TTC33: variants seen among roughly 807,000 people sequenced by gnomAD.
TTC33 encodes tetratricopeptide repeat protein 33.
Under a neutral mutation model 29.4 loss-of-function variants are expected in TTC33, and 24 were observed. The observed-to-expected ratio is 0.82, with a 90% confidence interval of 0.59 to 1.15. The LOEUF is 1.15. Ranked by LOEUF, TTC33 falls within the 50% of genes most tolerant of loss-of-function variation. The probability of loss-of-function intolerance (pLI) is 0.00; values close to 1 mark genes in which losing one functional copy is unlikely to be tolerated. For missense variants in TTC33, 286 were observed against 310.4 expected (o/e 0.92, Z 0.59); for synonymous variants, 107 against 100.3 (o/e 1.07, Z -0.40).
chr5:40,718,794 T>G (rs892820653), intron 4 of TTC33, among the ~76,000 whole-genome samples: 1 of 148,684 alleles, frequency 6.7e-6, no homozygotes, highest in Non-Finnish European at 1.5e-5. Flanking sequence ...CCAGCTAATT[T>G]GGAGGCTGAG....
intron 2 of TTC33, among the ~76,000 whole-genome samples, chr5:40,738,284 C>T (rs113687348): frequency 6.6e-6 from 1 of 151,324 alleles, no homozygotes; most frequent in Non-Finnish European, 1.5e-5. Context: ...TAGAGTGGTG[C>T]GCGCCTGTAA....
At chr5:40,723,773 G>A (rs1163197306) in intron 4 of TTC33, among the ~76,000 whole-genome samples, 1 of 152,044 alleles carries the variant, frequency 6.6e-6, no homozygotes, top group Non-Finnish European at 1.5e-5. Flanking sequence ...GCTGAGGCAG[G>A]AGAATCACTC....
chr5:40,714,011 C>T lies in TTC33; in HGVS notation c.*2134G>A, dbSNP rs1741949323. ...TTTCTTTTTCTCCTCTGTCTTATGT[C>T]TAAACTATTTTATGTCTTATATCTG... is the stretch of plus-strand genomic sequence containing the variant. On this transcript the variant is annotated 3_prime_UTR_variant, in exon 5 of 5. Coordinates refer to ENST00000337702, the MANE Select transcript of TTC33 (RefSeq NM_012382.3). 6.6e-6 allele frequency among the ~76,000 whole-genome samples: 1 copy of T among 152,134 alleles called. No individual in the cohort carries two copies. The highest frequency in any genetic ancestry group is 2.4e-5 in the African/African-American group (1 of 41,436).
chr5:40,729,652 T>C (rs888422794), intron 3 of TTC33, among the ~76,000 whole-genome samples: 4 of 152,202 alleles, frequency 2.6e-5, no homozygotes, highest in African/African-American at 9.6e-5. Flanking sequence ...GGAAAGCGTA[T>C]GTTTTTCATC....
intron 2 of TTC33, among the ~76,000 whole-genome samples, chr5:40,737,970 T>G (rs550526924): frequency 6.6e-6 from 1 of 152,362 alleles, no homozygotes; most frequent in South Asian, 2.1e-4. Context: ...GATGAACATT[T>G]AGGTTGTCCC....
chr5:40,731,854 C>T (rs1378663787), intron 2 of TTC33, among the ~76,000 whole-genome samples: 1 of 152,188 alleles, frequency 6.6e-6, no homozygotes, highest in Non-Finnish European at 1.5e-5. Flanking sequence ...GTGGCTCTAG[C>T]CCACTAACTA....
At chr5:40,735,203 C>G (rs1742523259) in intron 2 of TTC33, among the ~76,000 whole-genome samples, 1 of 152,154 alleles carries the variant, frequency 6.6e-6, no homozygotes, top group Non-Finnish European at 1.5e-5. Context: ...GATGAAGAAT[C>G]CACAGAGTTT....
rs139926293 is a variant in TTC33, at chr5:40,739,745, T to G, written c.221+7053A>C. On this transcript the variant is annotated intron_variant, in intron 2 of 4. Transcript: ENST00000337702. ...CAATTAAACCTGTTTTTTTCATAAA[T>G]TATCCAGTCTCAGGTAGTTGTTTAT... Among the ~76,000 whole-genome samples the G allele has an allele frequency of 4.6e-3, 696 of 152,306 alleles. 4 individuals are homozygous for G. The highest frequency in any genetic ancestry group is 0.016 in the African/African-American group (658 of 41,558).
chr5:40,734,053 A>G (rs895458754), intron 2 of TTC33, among the ~76,000 whole-genome samples: 2 of 152,238 alleles, frequency 1.3e-5, no homozygotes, highest in African/African-American at 4.8e-5. Context: ...TTTGTTGCCA[A>G]CGAGGCCTAT....
At chr5:40,730,180 C>T in intron 3 of TTC33, 82 bp downstream of exon 3, 3 of 1,018,812 alleles carry the variant, frequency 2.9e-6, no homozygotes, top group South Asian at 1.6e-5. Flanking sequence ...GGAGAAAATG[C>T]TATTTTGCTT....
intron 1 of TTC33, among the ~76,000 whole-genome samples, chr5:40,748,592 T>C (rs935960268): frequency 5.3e-5 from 8 of 152,216 alleles, no homozygotes; most frequent in Admixed American, 6.5e-5. Flanking sequence ...AAATATTTCA[T>C]ATAAAATTAT....
At chr5:40,738,121 T>A (rs1351026170) in intron 2 of TTC33, among the ~76,000 whole-genome samples, 1 of 152,120 alleles carries the variant, frequency 6.6e-6, no homozygotes, top group Admixed American at 6.6e-5. Context: ...TTTAACTTTA[T>A]GTGAAACAGG....
intron 2 of TTC33, among the ~76,000 whole-genome samples, chr5:40,738,514 C>CAATAAAATAAAATAA (rs754304246): frequency 1.3e-5 from 1 of 79,810 alleles, no homozygotes; most frequent in African/African-American, 4.9e-5. Context: ...CAATAAAATA[C>CAATAAAATAAAATAA]AATAAAATAA....
At chr5:40,750,690 TAG>T (rs1742879276) in intron 1 of TTC33, among the ~76,000 whole-genome samples, 1 of 152,194 alleles carries the variant, frequency 6.6e-6, no homozygotes. Flanking sequence ...CTTTCAAAAT[TAG>T]AGTCGATACT....
chr5:40,713,674 T>G lies in TTC33; in HGVS notation c.*2471A>C, dbSNP rs946911189. On this transcript the variant is annotated 3_prime_UTR_variant, in exon 5 of 5. Transcript: ENST00000337702. ...CTGGATGTCTAGACACTCTGACTAA[T>G]GAGTGTCTATGCCATACAATTCTCA... 1.3e-5 allele frequency among the ~76,000 whole-genome samples: 2 copies of G among 152,222 alleles called. No individual in the cohort carries two copies. The highest frequency in any genetic ancestry group is 4.8e-5 in the African/African-American group (2 of 41,474).
chr5:40,734,255 C>A (rs1742498109), intron 2 of TTC33, among the ~76,000 whole-genome samples: 1 of 152,146 alleles, frequency 6.6e-6, no homozygotes, highest in Non-Finnish European at 1.5e-5. Flanking sequence ...AAACTTGGCA[C>A]TGAACAAATC....
intron 2 of TTC33, among the ~76,000 whole-genome samples, chr5:40,740,864 C>T (rs1268172200): frequency 6.6e-6 from 1 of 152,146 alleles, no homozygotes; most frequent in Non-Finnish European, 1.5e-5. Context: ...TCTAGAAGGA[C>T]CCAGACTAGC....
intron 2 of TTC33, among the ~76,000 whole-genome samples, chr5:40,732,712 G>A (rs898373622): frequency 2.0e-5 from 3 of 151,908 alleles, no homozygotes; most frequent in African/African-American, 4.8e-5. Flanking sequence ...AGGTTCAAGC[G>A]ATTCTCCTGC....
At chr5:40,723,969 T>C (rs1742219047) in intron 4 of TTC33, among the ~76,000 whole-genome samples, 1 of 152,252 alleles carries the variant, frequency 6.6e-6, no homozygotes, top group Non-Finnish European at 1.5e-5. Flanking sequence ...GTAGCCATTA[T>C]GGAGTTTCTT....
Sources: allele counts gnomAD v4.1 joint callset (sites outside exome capture counted in the v4.1 genomes callset), GRCh38; gene constraint gnomAD v4.1.1; transcripts MANE v1.5; gene names NCBI Gene and HGNC (gene_info 2026-07-23, HGNC 2026-07-21).